The following PLCB1 variants were observed in gnomAD, a reference collection of about 807,000 sequenced individuals.
The protein encoded by PLCB1 is 1-phosphatidylinositol 4,5-bisphosphate phosphodiesterase beta-1.
A neutral mutation model predicts 161.8 loss-of-function variants in PLCB1; 46 were observed. That is an observed-to-expected ratio of 0.28 (90% CI 0.22 to 0.36). The LOEUF is 0.36. PLCB1 is among the 10% of genes least tolerant of loss of function. The probability of loss-of-function intolerance (pLI) is 1.00; values close to 1 mark genes in which losing one functional copy is unlikely to be tolerated. For synonymous variants in PLCB1, 517 were observed against 503.7 expected (o/e 1.03, Z -0.35); for missense variants, 1,016 against 1,472.5 (o/e 0.69, Z 5.07).
intron 14 of PLCB1, among the ~76,000 whole-genome samples, chr20:8,719,611 A>G (rs1979516067): frequency 6.6e-6 from 1 of 152,182 alleles, no homozygotes; most frequent in Non-Finnish European, 1.5e-5. Context: ...AAACTAATTT[A>G]TGCTATTTAT....
intron 3 of PLCB1, among the ~76,000 whole-genome samples, chr20:8,377,802 C>G (rs1987136967): frequency 6.6e-6 from 1 of 152,084 alleles, no homozygotes; most frequent in African/African-American, 2.4e-5. Context: ...GAATTTGGTT[C>G]TGGATATTTA....
chr20:8,478,186 A>G (rs1005842406), intron 3 of PLCB1, among the ~76,000 whole-genome samples: 2 of 152,224 alleles, frequency 1.3e-5, no homozygotes, highest in Non-Finnish European at 2.9e-5. Context: ...TTGAGAAACT[A>G]TTTTGTGCCT....
intron 23 of PLCB1, among the ~76,000 whole-genome samples, chr20:8,743,399 G>A (rs1032602727): frequency 6.6e-6 from 1 of 152,080 alleles, no homozygotes; most frequent in Non-Finnish European, 1.5e-5. Flanking sequence ...GCATCTCTGG[G>A]ATAAATCCCA....
At chr20:8,563,115 A>C (rs1466730863) in intron 3 of PLCB1, among the ~76,000 whole-genome samples, 1 of 152,080 alleles carries the variant, frequency 6.6e-6, no homozygotes, top group East Asian at 1.9e-4. Context: ...CTGGGTAATA[A>C]AGTAGCCAAT....
chr20:8,835,409 G>C (rs965534328), intron 31 of PLCB1, among the ~76,000 whole-genome samples: 1 of 151,946 alleles, frequency 6.6e-6, no homozygotes, highest in African/African-American at 2.4e-5. Flanking sequence ...CTTTTTAAGA[G>C]TATTTTTTTT....
intron 2 of PLCB1, among the ~76,000 whole-genome samples, chr20:8,345,209 T>C (rs1362268780): frequency 2.0e-5 from 3 of 152,192 alleles, no homozygotes; most frequent in Non-Finnish European, 2.9e-5. Context: ...CTGACATGGA[T>C]GCATTTGAAG....
intron 3 of PLCB1, among the ~76,000 whole-genome samples, chr20:8,602,613 C>G (rs1330242999): frequency 6.6e-6 from 1 of 152,126 alleles, no homozygotes; most frequent in Non-Finnish European, 1.5e-5. Flanking sequence ...ATTTAAAGGG[C>G]AAGCAGAGTG....
chr20:8,511,600 G>C (rs2122851791), intron 3 of PLCB1, among the ~76,000 whole-genome samples: 1 of 152,180 alleles, frequency 6.6e-6, no homozygotes, highest in Admixed American at 6.5e-5. Flanking sequence ...TATCTATACT[G>C]TTTTCCCTAA....
chr20:8,729,840 G>A (rs1225542944), intron 18 of PLCB1: 1 of 151,880 alleles, frequency 6.6e-6, no homozygotes. Flanking sequence ...AAAAAATGTT[G>A]TGCTACATTA....
chr20:8,604,859 A>G (rs187441125), intron 3 of PLCB1, among the ~76,000 whole-genome samples: 700 of 152,276 alleles, frequency 4.6e-3, no homozygotes, highest in South Asian at 8.1e-3. Context: ...ATTGTGCAAC[A>G]CAAAGGTCTT....
chr20:8,179,825 C>T (rs1486701385), intron 2 of PLCB1, among the ~76,000 whole-genome samples: 12 of 132,418 alleles, frequency 9.1e-5, no homozygotes, highest in Admixed American at 7.1e-4. Context: ...TATGTGCCTT[C>T]AATGCCTAGT....
chr20:8,590,563 G>A (rs1987118023), intron 3 of PLCB1, among the ~76,000 whole-genome samples: 1 of 152,100 alleles, frequency 6.6e-6, no homozygotes, highest in African/African-American at 2.4e-5. Context: ...TAGGTCAGAA[G>A]TCTGACGTAG....
intron 31 of PLCB1, among the ~76,000 whole-genome samples, chr20:8,828,506 A>G (rs998486260): frequency 2.6e-5 from 4 of 152,182 alleles, no homozygotes; most frequent in African/African-American, 9.7e-5. Flanking sequence ...CATTACAACC[A>G]TCTCTTCTCA....
chr20:8,517,263 T>G (rs183844113), intron 3 of PLCB1, among the ~76,000 whole-genome samples: 2 of 152,204 alleles, frequency 1.3e-5, no homozygotes, highest in East Asian at 3.9e-4. Context: ...AAAACAGAAT[T>G]TATTGGAACA....
chr20:8,295,657 C>T (rs1295725201), intron 2 of PLCB1, among the ~76,000 whole-genome samples: 2 of 152,034 alleles, frequency 1.3e-5, no homozygotes, highest in Admixed American at 1.3e-4. Context: ...TATGTACTTG[C>T]CAAAGGATAT....
intron 2 of PLCB1, among the ~76,000 whole-genome samples, chr20:8,344,774 C>T (rs1985938440): frequency 1.3e-5 from 2 of 152,360 alleles, no homozygotes; most frequent in Middle Eastern, 3.4e-3. Context: ...TTGACTTGAA[C>T]TCCTCTAGGT....
At chr20:8,275,349 C>A (rs1982489197) in intron 2 of PLCB1, among the ~76,000 whole-genome samples, 1 of 150,998 alleles carries the variant, frequency 6.6e-6, no homozygotes, top group African/African-American at 2.4e-5. Flanking sequence ...TGGATGAATT[C>A]TTCCCTTAAT....
chr20:8,535,734 A>G (rs904013808), intron 3 of PLCB1, among the ~76,000 whole-genome samples: 1 of 152,186 alleles, frequency 6.6e-6, no homozygotes, highest in East Asian at 1.9e-4. Flanking sequence ...TAAAGCTCAT[A>G]TTATAAAGGC....
chr20:8,811,119 G>A (rs1401048410), intron 31 of PLCB1, among the ~76,000 whole-genome samples: 2 of 152,232 alleles, frequency 1.3e-5, no homozygotes, highest in African/African-American at 4.8e-5. Flanking sequence ...ATGATCCCCA[G>A]TGTCTAAAGT....
Sources: gnomAD v4.1 joint callset for allele counts (sites outside exome capture counted in the v4.1 genomes callset) on GRCh38, gnomAD v4.1.1 for gene constraint, MANE v1.5 for transcripts, NCBI Gene and HGNC (gene_info 2026-07-23, HGNC 2026-07-21) for gene names.